Variants in CNTN5 observed in about 807,000 individuals in gnomAD.
CNTN5 encodes the protein contactin-5.
CNTN5 carries 77 observed loss-of-function variants against 129.1 expected under a neutral mutation model. The ratio of observed to expected loss-of-function variants is 0.60; its 90% confidence interval spans 0.50 to 0.72. The LOEUF (loss-of-function observed/expected upper bound fraction) is 0.72. Ranked by LOEUF, CNTN5 falls within the 30% of genes least tolerant of loss-of-function variation. CNTN5 has a pLI of 0.00. For missense variants in CNTN5, 1,478 were observed against 1,328.8 expected, an observed-to-expected ratio of 1.11 and a Z score of -1.75; for synonymous variants, 509 against 465.6, an observed-to-expected ratio of 1.09 and a Z score of -1.20.
Position 99,269,685 on chromosome 11 carries a change from C to T in CNTN5, c.-209-55661C>T, listed in dbSNP as rs185438816. On this transcript the variant is annotated intron_variant, in intron 1 of 24. Transcript: ENST00000524871. ...CACATTTTTTCAATCTAGGAGTCTA[C>T]ACAACTTGAAATATAAATGTACTAT... Among the ~76,000 whole-genome samples, 520 of 151,456 alleles carry T rather than the reference C, an allele frequency of 3.4e-3. 3 individuals carry two copies. The highest frequency in any genetic ancestry group is 0.012 in the African/African-American group (481 of 41,044).
chr11:99,451,289 A>G (rs949277432), intron 2 of CNTN5, among the ~76,000 whole-genome samples: 3 of 152,194 alleles, frequency 2.0e-5, no homozygotes, highest in African/African-American at 7.2e-5. Context: ...TGAGCAGAGT[A>G]TTCACACTGA....
At position 99,917,177 on chromosome 11, in the gene CNTN5, A is replaced by C. The variant is rs935233549; in HGVS notation, c.673+1028A>C. Among the ~76,000 whole-genome samples the C allele has an allele frequency of 2.0e-5, 3 of 152,066 alleles. No homozygotes were observed. In the South Asian group the frequency reaches 6.2e-4, roughly 32 times the overall value. The stretch of plus-strand genomic sequence containing the variant: ...ATATTTTTGAAAACACTTTTATTTG[A>C]AACTCAGATAATAATTACAATTAGG... On this transcript the variant is annotated intron_variant, in intron 7 of 24. Transcript: ENST00000524871.
At chr11:99,310,905 T>C (rs1052202246) in intron 1 of CNTN5, among the ~76,000 whole-genome samples, 2 of 151,296 alleles carry the variant, frequency 1.3e-5, no homozygotes, top group Non-Finnish European at 2.9e-5. Context: ...TCCTTTATTA[T>C]CTTACTGTAA....
intron 8 of CNTN5, among the ~76,000 whole-genome samples, chr11:99,994,116 A>G (rs1010947899): frequency 6.6e-6 from 1 of 152,024 alleles, no homozygotes; most frequent in Non-Finnish European, 1.5e-5. Context: ...TTACCCCCCA[A>G]ATACTATCAG....
intron 3 of CNTN5, among the ~76,000 whole-genome samples, chr11:99,798,476 C>T (rs1181750002): frequency 1.3e-5 from 2 of 152,130 alleles, no homozygotes; most frequent in African/African-American, 2.4e-5. Flanking sequence ...GGTCATTCTT[C>T]TGCGTACAGT....
intron 9 of CNTN5, among the ~76,000 whole-genome samples, chr11:100,005,674 G>A (rs1161251789): frequency 6.6e-6 from 1 of 152,092 alleles, no homozygotes; most frequent in Non-Finnish European, 1.5e-5. Flanking sequence ...TTGATCTACT[G>A]CCTCTTAAGA....
intron 1 of CNTN5, among the ~76,000 whole-genome samples, chr11:99,098,328 G>A (rs1441223299): frequency 2.0e-5 from 3 of 152,010 alleles, no homozygotes; most frequent in Non-Finnish European, 2.9e-5. Context: ...CTTGAGAAGC[G>A]ACATAGTTGA....
intron 3 of CNTN5, among the ~76,000 whole-genome samples, chr11:99,595,692 G>A (rs1950105028): frequency 6.6e-6 from 1 of 151,714 alleles, no homozygotes; most frequent in Non-Finnish European, 1.5e-5. Context: ...CAATACAGAG[G>A]CTTTGTCCTC....
intron 9 of CNTN5, among the ~76,000 whole-genome samples, chr11:100,039,931 G>T (rs200401587): frequency 6.6e-6 from 1 of 152,082 alleles, no homozygotes; most frequent in African/African-American, 2.4e-5. Flanking sequence ...CCTGTAGCTC[G>T]GAGTAGTTTG....
At chr11:99,959,668 G>A (rs1950891053) in intron 8 of CNTN5, among the ~76,000 whole-genome samples, 1 of 151,946 alleles carries the variant, frequency 6.6e-6, no homozygotes, top group East Asian at 1.9e-4. Flanking sequence ...TTTTACAAAC[G>A]TCTATATTTT....
intron 3 of CNTN5, among the ~76,000 whole-genome samples, chr11:99,628,447 A>T (rs1951210271): frequency 6.6e-6 from 1 of 152,046 alleles, no homozygotes. Flanking sequence ...ATCATGTTGC[A>T]TTATTTAATC....
intron 1 of CNTN5, among the ~76,000 whole-genome samples, chr11:99,193,804 A>G (rs1294836831): frequency 1.3e-5 from 2 of 152,150 alleles, no homozygotes; most frequent in Non-Finnish European, 2.9e-5. Context: ...GCATCAAACT[A>G]CCCTTTGGAA....
chr11:99,909,232 T>C (rs1322030511), intron 6 of CNTN5, among the ~76,000 whole-genome samples: 1 of 152,016 alleles, frequency 6.6e-6, no homozygotes, highest in African/African-American at 2.4e-5. Context: ...AAAAGAATTA[T>C]AGCATTATCA....
At position 99,081,741 on chromosome 11, in the gene CNTN5, C is replaced by T. The variant is rs187148768; in HGVS notation, c.-210+60471C>T. Among the ~76,000 whole-genome samples the T allele has an allele frequency of 5.9e-5, 9 of 152,202 alleles. No individual in the cohort carries two copies. The East Asian group carries it at 1.7e-3, about 29-fold the overall frequency. On this transcript the variant is annotated intron_variant, in intron 1 of 24. Coordinates refer to ENST00000524871, the MANE Select transcript of CNTN5 (RefSeq NM_014361.4). Reference sequence around the variant, plus strand: ...CTTAAGAACAAGAGTAATAAACACACAACTTTTAAAATGCATAGCATGTAG... The same window carrying T: ...CTTAAGAACAAGAGTAATAAACACATAACTTTTAAAATGCATAGCATGTAG...
At chr11:99,695,371 A>G (rs375077386) in intron 3 of CNTN5, among the ~76,000 whole-genome samples, 1 of 152,024 alleles carries the variant, frequency 6.6e-6, no homozygotes, top group Non-Finnish European at 1.5e-5. Context: ...TATATTTTCA[A>G]ATGTCTGAAT....
At chr11:99,721,574 C>T (rs1943174441) in intron 3 of CNTN5, among the ~76,000 whole-genome samples, 1 of 152,056 alleles carries the variant, frequency 6.6e-6, no homozygotes, top group African/African-American at 2.4e-5. Context: ...TAGGAACCAA[C>T]AAAGATTTCA....
intron 15 of CNTN5, among the ~76,000 whole-genome samples, chr11:100,212,687 A>C (rs1195992143): frequency 1.3e-5 from 2 of 152,094 alleles, no homozygotes; most frequent in African/African-American, 4.8e-5. Flanking sequence ...GCTAGAGTAG[A>C]TGATTCCTAA....
At chr11:100,030,381 A>C (rs893097025) in intron 9 of CNTN5, among the ~76,000 whole-genome samples, 1 of 152,202 alleles carries the variant, frequency 6.6e-6, no homozygotes, top group African/African-American at 2.4e-5. Context: ...TCTATATTAA[A>C]TAAATAAATG....
intron 7 of CNTN5, among the ~76,000 whole-genome samples, chr11:99,949,301 G>A (rs1214774118): frequency 6.6e-6 from 1 of 152,112 alleles, no homozygotes; most frequent in Non-Finnish European, 1.5e-5. Flanking sequence ...CCTTTGTCAT[G>A]TCCAAAGTTG....
Sources: gnomAD v4.1 joint callset for allele counts (sites outside exome capture counted in the v4.1 genomes callset) on GRCh38, gnomAD v4.1.1 for gene constraint, MANE v1.5 for transcripts, NCBI Gene and HGNC (gene_info 2026-07-23, HGNC 2026-07-21) for gene names.